FANCL: variants seen among roughly 807,000 people sequenced by gnomAD.
FANCL encodes the protein E3 ubiquitin-protein ligase FANCL.
FANCL carries 69 observed loss-of-function variants against 59.4 expected under a neutral mutation model. The ratio of observed to expected loss-of-function variants is 1.16; its 90% CI spans 0.96 to 1.42. FANCL has a LOEUF of 1.42. FANCL is among the 40% of genes most tolerant of loss of function. The pLI, the probability that FANCL is intolerant of heterozygous loss-of-function variation, is 0.00. For synonymous variants in FANCL, 180 were observed against 147.1 expected, an observed-to-expected ratio of 1.22 and a Z score of -1.62; for missense variants, 519 against 447.2, an observed-to-expected ratio of 1.16 and a Z score of -1.45.
At chr2:58,209,099 T>G (rs1298928366) in intron 5 of FANCL, among the ~76,000 whole-genome samples, 1 of 152,214 alleles carries the variant, frequency 6.6e-6, no homozygotes, top group Non-Finnish European at 1.5e-5. Flanking sequence ...CCTAAATTAT[T>G]TGTAGCCCAA....
intron 8 of FANCL, 77 bp from the exon 9 acceptor site, chr2:58,163,594 G>A: frequency 1.1e-6 from 1 of 891,500 alleles, no homozygotes; most frequent in South Asian, 1.4e-5. Context: ...AAGAGGTGTT[G>A]GTCTGGCTAC....
At chr2:58,212,516 A>G (rs1469435428) in intron 5 of FANCL, among the ~76,000 whole-genome samples, 1 of 152,192 alleles carries the variant, frequency 6.6e-6, no homozygotes, top group Admixed American at 6.5e-5. Flanking sequence ...CAAAAAGCAT[A>G]AATTAGGGCT....
chr2:58,198,265 C>G (rs1358877251), intron 7 of FANCL, among the ~76,000 whole-genome samples: 1 of 151,982 alleles, frequency 6.6e-6, no homozygotes, highest in African/African-American at 2.4e-5. Flanking sequence ...TACAGTTGGC[C>G]CTACCCACGG....
chr2:58,191,558 T>G (rs6741122), intron 7 of FANCL, among the ~76,000 whole-genome samples: 4,544 of 152,016 alleles, frequency 0.03, 242 homozygotes, highest in African/African-American at 0.1. Context: ...AGATTGACCA[T>G]GATTTTTCAT....
intron 7 of FANCL, among the ~76,000 whole-genome samples, chr2:58,176,364 A>C (rs1447421392): frequency 2.0e-5 from 3 of 151,898 alleles, no homozygotes; most frequent in East Asian, 1.9e-4. Flanking sequence ...GCATCACGCT[A>C]CCTGACTTCA....
At chr2:58,230,026 C>A in intron 2 of FANCL, 152 bp from the exon 3 acceptor site, 1 of 630,630 alleles carries the variant, frequency 1.6e-6, no homozygotes, top group Non-Finnish European at 2.9e-6. Context: ...TGTTCAAAGT[C>A]TTGTCTTCAA....
chr2:58,235,051 T>C (rs1693887064), intron 1 of FANCL, among the ~76,000 whole-genome samples: 2 of 151,810 alleles, frequency 1.3e-5, no homozygotes, highest in Non-Finnish European at 2.9e-5. Context: ...AAGATAGGGA[T>C]GGACAAACAA....
intron 3 of FANCL, among the ~76,000 whole-genome samples, chr2:58,227,539 C>T (rs1053499581): frequency 2.6e-5 from 4 of 152,164 alleles, no homozygotes; most frequent in Admixed American, 2.0e-4. Context: ...GTCATTCTGC[C>T]GGTCAATGGC....
chr2:58,212,944 T>G (rs1691327302), intron 5 of FANCL, among the ~76,000 whole-genome samples: 1 of 152,218 alleles, frequency 6.6e-6, no homozygotes, highest in South Asian at 2.1e-4. Context: ...AGCTTTCATC[T>G]TATTTTAAAT....
At chr2:58,202,950 G>A (rs1426561135) in intron 6 of FANCL, among the ~76,000 whole-genome samples, 1 of 149,706 alleles carries the variant, frequency 6.7e-6, no homozygotes, top group Non-Finnish European at 1.5e-5. Flanking sequence ...TAAACAAATA[G>A]AGCTTTGAAG....
chr2:58,232,719 A>G (rs1440402606), intron 1 of FANCL, among the ~76,000 whole-genome samples: 1 of 152,056 alleles, frequency 6.6e-6, no homozygotes, highest in Non-Finnish European at 1.5e-5. Flanking sequence ...ACAGAATTTT[A>G]CTCAAGAGTC....
chr2:58,189,592 G>C (rs1688727525), intron 7 of FANCL, among the ~76,000 whole-genome samples: 1 of 152,046 alleles, frequency 6.6e-6, no homozygotes, highest in South Asian at 2.1e-4. Flanking sequence ...AAATTATGTT[G>C]AGCTAGGAAA....
intron 8 of FANCL, among the ~76,000 whole-genome samples, chr2:58,165,446 G>C (rs1389583997): frequency 1.3e-5 from 2 of 152,060 alleles, no homozygotes; most frequent in Non-Finnish European, 2.9e-5. Context: ...TGAGTTACCT[G>C]TTCCACGATT....
At chr2:58,217,205 T>TAA (rs1691903082) in intron 5 of FANCL, among the ~76,000 whole-genome samples, 1 of 8,924 alleles carries the variant, frequency 1.1e-4, no homozygotes, top group African/African-American at 4.3e-4. Flanking sequence ...TATATATATA[T>TAA]ATATATATAT....
At chr2:58,212,926 G>A (rs990132055) in intron 5 of FANCL, among the ~76,000 whole-genome samples, 1 of 152,150 alleles carries the variant, frequency 6.6e-6, no homozygotes, top group Non-Finnish European at 1.5e-5. Flanking sequence ...TCTAAGGAAA[G>A]AAAGGGAAGC....
chr2:58,181,208 T>C (rs1003229133), intron 7 of FANCL, among the ~76,000 whole-genome samples: 5 of 152,060 alleles, frequency 3.3e-5, no homozygotes, highest in African/African-American at 9.7e-5. Context: ...CAATGGACTA[T>C]TACTCAGGAA....
At chr2:58,198,958 G>A (rs1019672417) in intron 6 of FANCL, among the ~76,000 whole-genome samples, 4 of 151,614 alleles carry the variant, frequency 2.6e-5, no homozygotes, top group African/African-American at 9.7e-5. Flanking sequence ...GAACCTGGGA[G>A]GCGGAGATGG....
intron 5 of FANCL, among the ~76,000 whole-genome samples, chr2:58,204,676 C>T (rs1274392417): frequency 4.6e-5 from 7 of 151,908 alleles, no homozygotes; most frequent in South Asian, 2.1e-4. Flanking sequence ...ATAATGTTAC[C>T]GTACAAAAAT....
chr2:58,173,198 G>C (rs1686865028), intron 7 of FANCL, among the ~76,000 whole-genome samples: 1 of 152,198 alleles, frequency 6.6e-6, no homozygotes, highest in Admixed American at 6.5e-5. Context: ...ATGGAACCAA[G>C]TTGGAAAACA....
Sources: gnomAD v4.1 joint callset for allele counts (sites outside exome capture counted in the v4.1 genomes callset) on GRCh38, gnomAD v4.1.1 for gene constraint, MANE v1.5 for transcripts, NCBI Gene and HGNC (gene_info 2026-07-23, HGNC 2026-07-21) for gene names.